ZNF536: variants seen among roughly 807,000 people sequenced by gnomAD.
ZNF536 encodes the protein zinc finger protein 536.
In ZNF536, 13 loss-of-function variants were observed where a neutral mutation model predicts 84.5. That is an observed-to-expected ratio of 0.15 (90% CI 0.10 to 0.24). ZNF536 has a LOEUF of 0.24. Ranked by LOEUF, ZNF536 falls within the 10% of genes least tolerant of loss-of-function variation. The probability of loss-of-function intolerance (pLI) is 1.00; values close to 1 mark genes in which losing one functional copy is unlikely to be tolerated. For missense variants in ZNF536, 1,536 were observed against 1,747.5 expected (o/e 0.88, Z 2.16); for synonymous variants, 811 against 742.5 (o/e 1.09, Z -1.50).
At chr19:30,399,501 C>T (rs1428788746) in intron 1 of ZNF536, among the ~76,000 whole-genome samples, 4 of 151,932 alleles carry the variant, frequency 2.6e-5, no homozygotes, top group Non-Finnish European at 5.9e-5. Flanking sequence ...ATGCTTATGT[C>T]CTGAATGGTA....
rs202164325 is a variant in ZNF536, at chr19:30,423,121, GCATCCATC to G, written c.-2-20417_-2-20410del. 3.2e-4 allele frequency among the ~76,000 whole-genome samples: 8 copies of G among 25,244 alleles called. 1 individual carries two copies. The highest frequency in any genetic ancestry group is 1.8e-3 in the South Asian group (2 of 1,090). 16.6% of individuals were successfully genotyped at this position (25,244 alleles called of 152,430 possible). ...CTCATCTACACATCCATCCATCCAT[GCATCCATC>G]CATCCATCCATCCATCCATCCAACC... is the stretch of plus-strand genomic sequence containing the variant. On this transcript the variant is annotated intron_variant, in intron 1 of 4. Transcript: ENST00000355537.
intron 3 of ZNF536, among the ~76,000 whole-genome samples, chr19:30,355,928 C>T (rs1451559116): frequency 6.6e-6 from 1 of 152,198 alleles, no homozygotes; most frequent in Non-Finnish European, 1.5e-5. Context: ...CAAAACTGGT[C>T]CCTGATGCCA....
intron 1 of ZNF536, among the ~76,000 whole-genome samples, chr19:30,704,571 C>T (rs905272807): frequency 3.5e-5 from 5 of 141,924 alleles, no homozygotes; most frequent in Admixed American, 7.6e-5. Context: ...GGCTTAAACC[C>T]GGGAGGCAGA....
intron 1 of ZNF536, among the ~76,000 whole-genome samples, chr19:30,613,926 G>A (rs1040208042): frequency 2.0e-5 from 3 of 152,164 alleles, no homozygotes; most frequent in South Asian, 2.1e-4. Flanking sequence ...GCAGTGGTAC[G>A]ATCTTGGCTC....
At chr19:30,232,587 A>G (rs1341288610) in intron 1 of ZNF536, among the ~76,000 whole-genome samples, 1 of 152,222 alleles carries the variant, frequency 6.6e-6, no homozygotes, top group Non-Finnish European at 1.5e-5. Flanking sequence ...TTTCACTTTT[A>G]AAAATCACTG....
chr19:30,555,444 A>C (rs1835663475), intron 4 of ZNF536: 1 of 152,150 alleles, frequency 6.6e-6, no homozygotes, highest in South Asian at 2.1e-4. Context: ...GCCGTGATGC[A>C]TGGTTGATAG....
chr19:30,558,679 T>G (rs753914182), downstream of ZNF536, among the ~76,000 whole-genome samples: 73 of 152,310 alleles, frequency 4.8e-4, no homozygotes, highest in Non-Finnish European at 7.6e-4. Flanking sequence ...CCGATTTTGC[T>G]TTTTGCTTGT....
chr19:30,671,970 G>A (rs1397243919), intron 1 of ZNF536, among the ~76,000 whole-genome samples: 3 of 152,124 alleles, frequency 2.0e-5, no homozygotes, highest in Non-Finnish European at 4.4e-5. Flanking sequence ...TTCTCAGTAG[G>A]ACTTTACGGA....
At chr19:30,580,487 G>C (rs1278854456) in intron 1 of ZNF536, among the ~76,000 whole-genome samples, 2 of 152,146 alleles carry the variant, frequency 1.3e-5, no homozygotes. Flanking sequence ...ACCTCCACAT[G>C]CAAAAGCAGG....
chr19:30,257,318 C>T (rs956047662), intron 1 of ZNF536, among the ~76,000 whole-genome samples: 1 of 152,190 alleles, frequency 6.6e-6, no homozygotes, highest in African/African-American at 2.4e-5. Flanking sequence ...CTATTTTAAT[C>T]CTCAGATAAC....
At chr19:30,243,646 ATAGG>A (rs1027596857) in intron 1 of ZNF536, among the ~76,000 whole-genome samples, 13 of 152,248 alleles carry the variant, frequency 8.5e-5, no homozygotes, top group Admixed American at 3.3e-4. Context: ...AGTTCCAACA[ATAGG>A]TAGGATAAAA....
At chr19:30,589,319 C>T (rs1286517893) in intron 1 of ZNF536, among the ~76,000 whole-genome samples, 1 of 152,210 alleles carries the variant, frequency 6.6e-6, no homozygotes, top group Non-Finnish European at 1.5e-5. Flanking sequence ...TTGGCTCTTA[C>T]AGGCCATGAA....
chr19:30,360,215 C>T (rs1167751590), intron 3 of ZNF536, among the ~76,000 whole-genome samples: 1 of 152,212 alleles, frequency 6.6e-6, no homozygotes, highest in African/African-American at 2.4e-5. Flanking sequence ...GGGGTCGGCT[C>T]GGCTCTGGGC....
At chr19:30,290,448 T>A (rs1001051941) in intron 2 of ZNF536, among the ~76,000 whole-genome samples, 1 of 152,118 alleles carries the variant, frequency 6.6e-6, no homozygotes. Flanking sequence ...TTTAAAAATT[T>A]TTTTGTAGAT....
At chr19:30,661,013 G>A (rs1021531858) in intron 1 of ZNF536, among the ~76,000 whole-genome samples, 5 of 152,190 alleles carry the variant, frequency 3.3e-5, no homozygotes, top group African/African-American at 9.7e-5. Flanking sequence ...CCAGTGTTCC[G>A]AAGAGTAACT....
chr19:30,261,837 G>T (rs887665523), intron 1 of ZNF536, among the ~76,000 whole-genome samples: 2 of 152,154 alleles, frequency 1.3e-5, no homozygotes, highest in African/African-American at 4.8e-5. Flanking sequence ...ACTGAGGTGT[G>T]GAATGGGCTG....
chr19:30,532,017 A>G (rs1446265230), intron 2 of ZNF536, among the ~76,000 whole-genome samples: 1 of 152,198 alleles, frequency 6.6e-6, no homozygotes, highest in Non-Finnish European at 1.5e-5. Context: ...CTGCAGCTTT[A>G]TTCCACAGTG....
chr19:30,605,587 T>C (rs1031188013), intron 1 of ZNF536, among the ~76,000 whole-genome samples: 4 of 152,210 alleles, frequency 2.6e-5, no homozygotes, highest in African/African-American at 9.7e-5. Flanking sequence ...CACTCATTGG[T>C]TGATGGGCAC....
chr19:30,676,694 C>T (rs1365909850), intron 1 of ZNF536, among the ~76,000 whole-genome samples: 4 of 152,118 alleles, frequency 2.6e-5, no homozygotes, highest in Non-Finnish European at 5.9e-5. Context: ...TTAATTTTTG[C>T]TTCAATAATG....
Sources: gnomAD v4.1 joint callset for allele counts (sites outside exome capture counted in the v4.1 genomes callset) on GRCh38, gnomAD v4.1.1 for gene constraint, MANE v1.5 for transcripts, NCBI Gene and HGNC (gene_info 2026-07-23, HGNC 2026-07-21) for gene names.